The following RNF135 variants were observed in gnomAD, a reference collection of about 807,000 sequenced individuals.
RNF135 encodes the protein E3 ubiquitin-protein ligase RNF135.
RNF135 carries 46 observed loss-of-function variants against 41.9 expected under a neutral mutation model. That is an observed-to-expected ratio of 1.10 (90% CI 0.87 to 1.40). The LOEUF is 1.40. RNF135 is among the 40% of genes most tolerant of loss of function. The pLI, the probability that RNF135 is intolerant of heterozygous loss-of-function variation, is 0.00. For missense variants in RNF135, 539 were observed against 549.8 expected, an observed-to-expected ratio of 0.98 and a Z score of 0.20; for synonymous variants, 238 against 223.8, an observed-to-expected ratio of 1.06 and a Z score of -0.57.
At chr17:30,984,921 GCT>G in intron 2 of RNF135, among the ~76,000 whole-genome samples, 161 bp downstream of exon 2, 1 of 152,210 alleles carries the variant, frequency 6.6e-6, no homozygotes, top group Non-Finnish European at 1.5e-5. Flanking sequence ...CATTTGGAAT[GCT>G]TGAGGTAAGG....
At chr17:30,969,759 C>CTTTTTTTTTTTTTTTT (rs757330088), upstream of RNF135, among the ~76,000 whole-genome samples, 8 of 122,648 alleles carry the variant, frequency 6.5e-5, no homozygotes, top group Non-Finnish European at 1.1e-4. Context: ...TCTTTTTTTT[C>CTTTTTTTTTTTTTTTT]TTTTTTTTTT....
Position 30,999,343 on chromosome 17 carries a change from G to A in RNF135, c.*152G>A. The A allele has an allele frequency of 1.2e-6, 1 of 801,508 alleles. No individual in the cohort carries two copies. The highest frequency in any genetic ancestry group is 2.0e-6 in the Non-Finnish European group (1 of 494,198). 49.6% of individuals were successfully genotyped at this position (801,508 alleles called of 1,614,324 possible). Reference sequence around the variant, plus strand: ...TGCCCAGGCTGGTGTCGAATTCCTGGTCTCAAGCAGTCCTCCCACCTCAGC... The same window carrying A: ...TGCCCAGGCTGGTGTCGAATTCCTGATCTCAAGCAGTCCTCCCACCTCAGC... On this transcript the variant is annotated 3_prime_UTR_variant, in exon 5 of 5. Transcript: ENST00000328381.
intron 1 of RNF135, chr17:30,978,818 C>T (rs1048426620): frequency 3.1e-5 from 4 of 129,226 alleles, no homozygotes; most frequent in African/African-American, 1.2e-4. Context: ...TCTTAACGAG[C>T]ATGCTGCCTT....
At chr17:30,967,090 A>C (rs562063649), upstream of RNF135, among the ~76,000 whole-genome samples, 2 of 152,202 alleles carry the variant, frequency 1.3e-5, no homozygotes, top group East Asian at 1.9e-4. Flanking sequence ...ACTGGAGTGC[A>C]GTGGTGCCAT....
At chr17:30,972,109 T>G (rs1377769822) in intron 1 of RNF135, 2 of 150,004 alleles carry the variant, frequency 1.3e-5, no homozygotes, top group Non-Finnish European at 3.0e-5. Flanking sequence ...AACCTTTTAT[T>G]TTTTTGAGAC....
chr17:30,984,078 A>G (rs1489082128), intron 1 of RNF135, among the ~76,000 whole-genome samples: 1 of 151,896 alleles, frequency 6.6e-6, no homozygotes, highest in Non-Finnish European at 1.5e-5. Flanking sequence ...ACTTGCAAAT[A>G]TTTTCTTCCA....
intron 1 of RNF135, among the ~76,000 whole-genome samples, chr17:30,983,339 ATATATATATATATATTTT>A (rs1463442609): frequency 5.1e-4 from 14 of 27,536 alleles, no homozygotes; most frequent in East Asian, 2.6e-3. Flanking sequence ...ATATATATAT[ATATATATATATATATTTT>A]TTTTTTTTTT....
rs530451880 is a variant in RNF135 at position 30,975,247 on chromosome 17, C to T, written c.372+3802C>T. 723 of 497,794 alleles carry T rather than the reference C, an allele frequency of 1.5e-3. 5 individuals carry two copies. Among genetic ancestry groups the T allele is most frequent in the Middle Eastern group, 8.7e-3 (16 of 1,840 alleles). 30.8% of individuals were successfully genotyped at this position (497,794 alleles called of 1,614,324 possible). On this transcript the variant is annotated intron_variant, in intron 1 of 4. Transcript: ENST00000328381. Reference sequence around the variant, plus strand: ...CTGAGGTACGAAGAACACTTGAATCCAGGAGGTTGAGGCTGCAGTGAGCTG... The same window carrying T: ...CTGAGGTACGAAGAACACTTGAATCTAGGAGGTTGAGGCTGCAGTGAGCTG...
At chr17:30,991,016 G>A (rs1303510688) in intron 3 of RNF135, among the ~76,000 whole-genome samples, 1 of 151,580 alleles carries the variant, frequency 6.6e-6, no homozygotes, top group Admixed American at 6.6e-5. Flanking sequence ...AGCTCAAATT[G>A]CCAGTGAAGG....
upstream of RNF135, chr17:30,970,706 T>G: frequency 7.0e-6 from 2 of 286,124 alleles, no homozygotes; most frequent in South Asian, 4.0e-5. Context: ...TGTTGCATCT[T>G]TTTTGTTGTT....
chr17:30,982,653 T>C (rs575574174), intron 1 of RNF135, among the ~76,000 whole-genome samples: 25 of 152,322 alleles, frequency 1.6e-4, no homozygotes, highest in African/African-American at 5.1e-4. Flanking sequence ...GTGGGAGGGA[T>C]GATCAATGGA....
intron 1 of RNF135, chr17:30,972,403 G>T (rs982688879): frequency 6.6e-6 from 1 of 152,108 alleles, no homozygotes; most frequent in Non-Finnish European, 1.5e-5. Context: ...GTGAGCCACC[G>T]CGCCCCGCCT....
At chr17:30,987,037 G>A (rs986302597) in intron 2 of RNF135, among the ~76,000 whole-genome samples, 2 of 152,078 alleles carry the variant, frequency 1.3e-5, no homozygotes, top group South Asian at 4.2e-4. Context: ...AGTGGATTAT[G>A]CAAAGGTGGG....
the RNF135 span, among the ~76,000 whole-genome samples, chr17:30,963,352 G>A: frequency 1.3e-5 from 2 of 151,876 alleles, no homozygotes; most frequent in East Asian, 1.9e-4. Flanking sequence ...GGAGGCTGAG[G>A]TGGGCAGATC....
chr17:30,968,518 TG>T (rs111957616), upstream of RNF135, among the ~76,000 whole-genome samples: 481 of 151,832 alleles, frequency 3.2e-3, 2 homozygotes, highest in African/African-American at 0.011. Context: ...CCTGAGTAGC[TG>T]GGACTACAGG....
chr17:30,983,353 A>ATATATATATATATATATATATATATT (rs1420453160), intron 1 of RNF135, among the ~76,000 whole-genome samples: 1 of 35,742 alleles, frequency 2.8e-5, no homozygotes, highest in Non-Finnish European at 5.4e-5. Context: ...ATATATATAT[A>ATATATATATATATATATATATATATT]TTTTTTTTTT....
At chr17:30,968,535 G>A (rs1435232898), upstream of RNF135, among the ~76,000 whole-genome samples, 2 of 151,632 alleles carry the variant, frequency 1.3e-5, no homozygotes, top group Non-Finnish European at 2.9e-5. Context: ...ACAGGCTCCC[G>A]CCGTCACGCC....
chr17:30,961,250 G>A, the RNF135 span, among the ~76,000 whole-genome samples: 4 of 152,120 alleles, frequency 2.6e-5, no homozygotes, highest in Non-Finnish European at 5.9e-5. Flanking sequence ...GGGGCTTCTG[G>A]TTCATACTGA....
chr17:30,983,380 G>A (rs1907361739), intron 1 of RNF135, among the ~76,000 whole-genome samples: 1 of 66,518 alleles, frequency 1.5e-5, no homozygotes, highest in East Asian at 4.2e-4. Context: ...TTGAGATGGA[G>A]TCTGGCCCTG....
Sources: allele counts gnomAD v4.1 joint callset (sites outside exome capture counted in the v4.1 genomes callset), GRCh38; gene constraint gnomAD v4.1.1; transcripts MANE v1.5; gene names NCBI Gene and HGNC (gene_info 2026-07-23, HGNC 2026-07-21).